Variants in AP3D1 observed in about 807,000 individuals in gnomAD.
AP3D1 encodes AP-3 complex subunit delta-1.
A neutral mutation model predicts 147.6 loss-of-function variants in AP3D1; 51 were observed. The observed-to-expected ratio is 0.35, with a 90% CI of 0.28 to 0.44. The LOEUF is 0.44. Among genes scored for constraint, AP3D1 ranks in the 20% least tolerant of loss-of-function variants. The pLI, the probability that AP3D1 is intolerant of heterozygous loss-of-function variation, is 1.00. For synonymous variants in AP3D1, 760 were observed against 663.0 expected (o/e 1.15, Z -2.25); for missense variants, 1,421 against 1,624.2 (o/e 0.87, Z 2.15).
rs889229274 is a variant in AP3D1 at position 2,101,508 on chromosome 19, CAG to C, written c.*663_*664del. 2 of 152,310 alleles carry C rather than the reference CAG, an allele frequency of 1.3e-5. No individual in the cohort carries two copies. Among genetic ancestry groups the C allele is most frequent in the Admixed American group, 1.3e-4 (2 of 15,288 alleles). The allele number at this position is 152,310 out of a possible 1,614,324, so 9.4% of individuals were successfully genotyped here. On this transcript the variant is annotated 3_prime_UTR_variant, in exon 32 of 32. Transcript: ENST00000643116. ...TTCTGCTGACCAGGAAGACGGGTGGCAGAGAGGCCTCAACCCACCCCGTCCAC... is the reference window on the plus strand; with the variant it reads ...TTCTGCTGACCAGGAAGACGGGTGGCAGAGGCCTCAACCCACCCCGTCCAC...
At position 2,123,916 on chromosome 19, in the gene AP3D1, C is replaced by G. The variant is rs201196121; in HGVS notation, c.857-37G>C. 7.1e-6 allele frequency: 11 copies of G among 1,558,182 alleles called. No individual in the cohort carries two copies. In the African/African-American group the frequency reaches 1.2e-4, roughly 17 times the overall value. ...AGCTTGGTCAGCACCACGGTCAGCA[C>G]CATGGCCAGCGCCGACACCAACTCA... On this transcript the variant is annotated intron_variant, in intron 9 of 31. Coordinates refer to ENST00000643116, the MANE Select transcript of AP3D1 (RefSeq NM_001261826.3).
intron 1 of AP3D1, among the ~76,000 whole-genome samples, chr19:2,149,819 T>C (rs2019458104): frequency 2.0e-5 from 3 of 152,188 alleles, no homozygotes; most frequent in Admixed American, 6.5e-5. Context: ...AGATCCTGCC[T>C]GTGCAGAAAA....
At position 2,102,256 on chromosome 19, in the gene AP3D1, C is replaced by G; in HGVS notation, c.3565G>C (p.Val1189Leu). The G allele has an allele frequency of 1.9e-6, 3 of 1,613,332 alleles. No individual in the cohort carries two copies. Among genetic ancestry groups the G allele is most frequent in the Non-Finnish European group, 2.5e-6 (3 of 1,179,378 alleles). ...TCACTGCACTTCCCGTCGACTGAGA[C>G]AGAGTTCTCACCCTGTGTAAGGAAA... ...CLLVKKGENS[V>L]SVDGKCSDST... is the part of the protein sequence containing the mutation. Residue 1189 changes from valine (V) to leucine (L), a missense_variant, in exon 32 of 32, where the codon GTC becomes CTC. Physicochemically the swap from Val to Leu is conservative, Grantham distance 32 (BLOSUM62 1). Coordinates refer to ENST00000643116, the MANE Select transcript of AP3D1 (RefSeq NM_001261826.3).
intron 20 of AP3D1, 97 bp downstream of exon 20, chr19:2,115,122 A>C: frequency 7.6e-7 from 1 of 1,311,048 alleles, no homozygotes; most frequent in Non-Finnish European, 1.1e-6. Context: ...CCCAGCCACC[A>C]ACGAAGACCA....
intron 18 of AP3D1, among the ~76,000 whole-genome samples, chr19:2,115,879 C>T (rs988240179): frequency 2.0e-5 from 3 of 152,252 alleles, no homozygotes; most frequent in Non-Finnish European, 2.9e-5. Flanking sequence ...ACTTTTTTTA[C>T]GTGAATATTC....
chr19:2,114,954 G>A, intron 20 of AP3D1, 133 bp from the exon 21 acceptor site: 1 of 1,032,496 alleles, frequency 9.7e-7, no homozygotes. Flanking sequence ...CTCCACCAGA[G>A]GCTCCGCTCA....
Position 2,116,703 on chromosome 19 carries a change from C to A in AP3D1, c.1903G>T (p.Glu635Ter), listed in dbSNP as rs769016159. ...AWINEPLSDS[E>*]SEDERPRAVF... is the part of the protein sequence containing the mutation. ...GCCCTGGGCCTCTCGTCCTCTGACTCGCTGTCCGAGAGTGGCTCATTGATC... is the reference window on the plus strand; with the variant it reads ...GCCCTGGGCCTCTCGTCCTCTGACTAGCTGTCCGAGAGTGGCTCATTGATC... The change falls in exon 17 of 32, where the codon GAG (glutamate) becomes TAG (stop). Residue 635 changes from glutamate to a stop codon, truncating the protein, a stop_gained. Coordinates refer to ENST00000643116, the MANE Select transcript of AP3D1 (RefSeq NM_001261826.3). LOFTEE classifies it high-confidence loss of function. 6.2e-7 allele frequency: 1 copy of A among 1,611,564 alleles called. No individual in the cohort carries two copies.
At chr19:2,159,578 C>T (rs559768278) in intron 1 of AP3D1, among the ~76,000 whole-genome samples, 6 of 152,036 alleles carry the variant, frequency 3.9e-5, no homozygotes, top group South Asian at 2.1e-4. Flanking sequence ...TTAGTAGAGA[C>T]GGGGTTTCAC....
chr19:2,162,820 A>G (rs895521883), intron 1 of AP3D1, among the ~76,000 whole-genome samples: 3 of 152,044 alleles, frequency 2.0e-5, no homozygotes, highest in Non-Finnish European at 4.4e-5. Flanking sequence ...GACTCTCCCA[A>G]CGTCACCCAG....
chr19:2,113,032 G>T (rs1459072242), intron 23 of AP3D1, 65 bp from the exon 24 acceptor site: 2 of 1,207,508 alleles, frequency 1.7e-6, no homozygotes, highest in Non-Finnish European at 2.3e-6. Flanking sequence ...CTGCACCCCA[G>T]ACAGCCTCCA....
At chr19:2,135,234 T>C (rs1036189665) in intron 4 of AP3D1, among the ~76,000 whole-genome samples, 2 of 148,484 alleles carry the variant, frequency 1.3e-5, no homozygotes, top group Admixed American at 6.8e-5. Flanking sequence ...AACAAAAAAA[T>C]AAAATAAAAA....
chr19:2,108,905 GC>G, intron 30 of AP3D1, 139 bp from the exon 31 acceptor site: 1 of 1,309,108 alleles, frequency 7.6e-7, no homozygotes, highest in Non-Finnish European at 1.0e-6. Context: ...GCCCTGAGAG[GC>G]CTGGGGTGTG....
intron 14 of AP3D1, among the ~76,000 whole-genome samples, chr19:2,120,604 C>T (rs983611538): frequency 2.6e-5 from 4 of 152,194 alleles, no homozygotes; most frequent in African/African-American, 4.8e-5. Flanking sequence ...CTAGTGCCCA[C>T]GGGATCTACA....
Position 2,109,461 on chromosome 19 carries a change from C to G in AP3D1, c.3351-254G>C, listed in dbSNP as rs1181830431. Reference sequence around the variant, plus strand: ...AGCCATGGGATGGGCCCTCCTCCGACAAGGACGGATGTCCTGTAGGAAGGG... The same window carrying G: ...AGCCATGGGATGGGCCCTCCTCCGAGAAGGACGGATGTCCTGTAGGAAGGG... On this transcript the variant is annotated intron_variant, in intron 29 of 31. Transcript: ENST00000643116. 9.6e-6 allele frequency: 5 copies of G among 519,440 alleles called. No individual in the cohort carries two copies. The East Asian group carries it at 1.0e-4, about 10-fold the overall frequency. The allele number at this position is 519,440 out of a possible 1,614,324, so 32.2% of individuals were successfully genotyped here.
chr19:2,127,336 C>A, intron 8 of AP3D1, 135 bp from the exon 9 acceptor site: 1 of 897,078 alleles, frequency 1.1e-6, no homozygotes, highest in Admixed American at 2.2e-5. Flanking sequence ...GGAGCCCGTG[C>A]CTTGCTCTCC....
At position 2,145,661 on chromosome 19, in the gene AP3D1, C is replaced by T. The variant is rs189782750; in HGVS notation, c.96+5578G>A. 2.6e-4 allele frequency among the ~76,000 whole-genome samples: 40 copies of T among 152,206 alleles called. No individual in the cohort carries two copies. The Middle Eastern group carries it at 0.01, about 39-fold the overall frequency. ...GTCTTCCTGGCTCTCCAAAGCTCAA[C>T]GCAAGTGAGCATCACCCAGAAGCTG... On this transcript the variant is annotated intron_variant, in intron 1 of 31. Transcript: ENST00000643116.
upstream of AP3D1, among the ~76,000 whole-genome samples, chr19:2,155,911 G>A (rs543439192): frequency 5.3e-5 from 8 of 151,874 alleles, no homozygotes; most frequent in East Asian, 1.2e-3. Context: ...AAATTAGCCC[G>A]GCTTGGTGGC....
In AP3D1 at chr19:2,131,515, C is replaced by CTTCCCAGGGAGGAAAGCATGCCCG; in HGVS notation, c.462+955_462+956insCGGGCATGCTTTCCTCCCTGGGAA. On this transcript the variant is annotated intron_variant, in intron 5 of 31. Transcript: ENST00000643116. Reference sequence around the variant, plus strand: ...GACAGGCAGCCACGAGGGGACAGGGCCCATCGGCCACGATCTAGGCACCCG... The same window carrying CTTCCCAGGGAGGAAAGCATGCCCG: ...GACAGGCAGCCACGAGGGGACAGGGCTTCCCAGGGAGGAAAGCATGCCCGCCATCGGCCACGATCTAGGCACCCG... Among the ~76,000 whole-genome samples the CTTCCCAGGGAGGAAAGCATGCCCG allele has an allele frequency of 5.3e-4, 65 of 123,062 alleles. 5 individuals are homozygous for CTTCCCAGGGAGGAAAGCATGCCCG. Among genetic ancestry groups the CTTCCCAGGGAGGAAAGCATGCCCG allele is most frequent in the African/African-American group, 2.0e-3 (64 of 32,254 alleles). 80.7% of individuals were successfully genotyped at this position (123,062 alleles called of 152,430 possible). A position where few individuals can be genotyped will look rare whatever the true frequency, so the allele number is the denominator to read the frequency against.
chr19:2,149,238 C>A (rs1190867591), intron 1 of AP3D1, among the ~76,000 whole-genome samples: 1 of 151,950 alleles, frequency 6.6e-6, no homozygotes, highest in Admixed American at 6.6e-5. Flanking sequence ...CAAGGACAAC[C>A]CTGCGCCGTT....
Sources: gnomAD v4.1 joint callset for allele counts (sites outside exome capture counted in the v4.1 genomes callset) on GRCh38, gnomAD v4.1.1 for gene constraint, MANE v1.5 for transcripts, NCBI Gene and HGNC (gene_info 2026-07-23, HGNC 2026-07-21) for gene names.